PKD1L1: variants seen among roughly 807,000 people sequenced by gnomAD.
PKD1L1 encodes polycystin-1-like protein 1.
Under a neutral mutation model 323.4 loss-of-function variants are expected in PKD1L1, and 236 were observed. The observed-to-expected ratio is 0.73, with a 90% CI of 0.66 to 0.81. The LOEUF is 0.81. PKD1L1 is among the 40% of genes least tolerant of loss of function. PKD1L1 has a pLI of 0.00. For synonymous variants in PKD1L1, 1,344 were observed against 1,335.0 expected (o/e 1.01, Z -0.15); for missense variants, 3,320 against 3,508.0 (o/e 0.95, Z 1.35).
At chr7:47,937,248 C>T (rs1446559735) in intron 3 of PKD1L1, among the ~76,000 whole-genome samples, 34 of 2,204 alleles carry the variant, frequency 0.015, no homozygotes, top group Admixed American at 0.084. Flanking sequence ...GGGGTCGGGA[C>T]GGGGTGGGGG....
chr7:47,846,324 G>C (rs561552325), intron 32 of PKD1L1, among the ~76,000 whole-genome samples: 4 of 152,324 alleles, frequency 2.6e-5, no homozygotes, highest in African/African-American at 9.6e-5. Flanking sequence ...CTAATTTAGT[G>C]ACATGACTCA....
At chr7:47,818,022 G>T in intron 46 of PKD1L1, 1 of 1,362,534 alleles carries the variant, frequency 7.3e-7, no homozygotes, top group Non-Finnish European at 9.8e-7. Context: ...CTTAATCTTT[G>T]CAGGTCTTTT....
intron 27 of PKD1L1, 100 bp downstream of exon 27, chr7:47,858,573 C>T: frequency 9.0e-7 from 1 of 1,114,846 alleles, no homozygotes; most frequent in East Asian, 2.4e-5. Context: ...ACTTCAGAAA[C>T]TGATTCTGTT....
chr7:47,812,115 C>T (rs1784912647), intron 49 of PKD1L1, 64 bp from the exon 50 acceptor site: 1 of 1,357,370 alleles, frequency 7.4e-7, no homozygotes, highest in Non-Finnish European at 1.0e-6. Flanking sequence ...TCTACTGAGG[C>T]TCCCAGCTGC....
At chr7:47,793,138 T>A (rs1786993011) in intron 55 of PKD1L1, among the ~76,000 whole-genome samples, 2 of 151,970 alleles carry the variant, frequency 1.3e-5, no homozygotes, top group African/African-American at 4.8e-5. Context: ...GATTAATAAA[T>A]CTTTATTGAG....
chr7:47,875,772 C>A (rs1786390642), intron 23 of PKD1L1, among the ~76,000 whole-genome samples: 1 of 152,148 alleles, frequency 6.6e-6, no homozygotes, highest in Non-Finnish European at 1.5e-5. Flanking sequence ...ATGCAAGATT[C>A]ACCAGATATG....
chr7:47,778,158 G>A (rs368903152), intron 56 of PKD1L1, among the ~76,000 whole-genome samples: 1 of 152,212 alleles, frequency 6.6e-6, no homozygotes, highest in Admixed American at 6.5e-5. Flanking sequence ...ACCAGCAGAT[G>A]AGGTGACTCA....
chr7:47,945,409 G>A (rs953532140), intron 1 of PKD1L1, among the ~76,000 whole-genome samples: 1 of 152,146 alleles, frequency 6.6e-6, no homozygotes, highest in Non-Finnish European at 1.5e-5. Flanking sequence ...GAGGGCAGAC[G>A]AGGACAATAT....
rs145499325 is a variant in PKD1L1, at chr7:47,845,074, G to A, written c.5158C>T (p.His1720Tyr). The change falls in exon 33 of 57, where the codon CAT becomes TAT. Residue 1720 changes from histidine to tyrosine, a missense_variant. Transcript: ENST00000289672. ...AGGAGAGCGAATGCCGCGAGGCGAT[G>A]GTAGCTAGGAGGGAAATGCGGATGA... The part of the protein sequence containing the change: ...TSPEKVNCSY[H>Y]RLAAFALLRR... 2.2e-5 allele frequency: 35 copies of A among 1,613,308 alleles called. No homozygotes were observed. In the African/African-American group the frequency reaches 4.4e-4, roughly 20 times the overall value.
intron 50 of PKD1L1, among the ~76,000 whole-genome samples, chr7:47,811,176 C>T (rs1391654752): frequency 7.3e-5 from 10 of 136,806 alleles, no homozygotes; most frequent in African/African-American, 2.2e-4. Flanking sequence ...TTTTTTTAGA[C>T]GGAGTCTTGC....
At chr7:47,912,664 A>G (rs141048089) in intron 8 of PKD1L1, among the ~76,000 whole-genome samples, 253 of 151,792 alleles carry the variant, frequency 1.7e-3, no homozygotes, top group African/African-American at 6.0e-3. Flanking sequence ...AAAAATACAA[A>G]AATCAGCCAG....
intron 19 of PKD1L1, among the ~76,000 whole-genome samples, chr7:47,884,370 T>A (rs1173754202): frequency 6.6e-6 from 1 of 152,108 alleles, no homozygotes; most frequent in Non-Finnish European, 1.5e-5. Flanking sequence ...TCCTTGGGCC[T>A]GGGGCTACTG....
chr7:47,861,667 G>C (rs930177457), intron 26 of PKD1L1, among the ~76,000 whole-genome samples: 3 of 152,026 alleles, frequency 2.0e-5, no homozygotes. Context: ...CGGATCACAA[G>C]GTCAGGAGAT....
At chr7:47,880,269 TATATATA>T (rs1562970464) in intron 21 of PKD1L1, among the ~76,000 whole-genome samples, 23 of 76,712 alleles carry the variant, frequency 3.0e-4, no homozygotes, top group African/African-American at 6.5e-4. Context: ...TATATACATA[TATATATA>T]TATATATATT....
In PKD1L1 at chr7:47,833,271, GC is replaced by G. The variant is rs746745044; in HGVS notation, c.6175-20del. Reference sequence around the variant, plus strand: ...CAGGTTGCTAGAATGACAAGGTCATGCCAAGGTTAATATCTCCACAGACAGG... The same window carrying G: ...CAGGTTGCTAGAATGACAAGGTCATGCAAGGTTAATATCTCCACAGACAGG... On this transcript the variant is annotated intron_variant, in intron 40 of 56. Transcript: ENST00000289672. 156 of 1,608,646 alleles carry G rather than the reference GC, an allele frequency of 9.7e-5. No homozygotes were observed. The highest frequency in any genetic ancestry group is 1.3e-4 in the Non-Finnish European group (152 of 1,177,082).
At position 47,817,618 on chromosome 7, in the gene PKD1L1, T is replaced by C. The variant is rs776573809; in HGVS notation, c.6966-2161A>G. ...GCACGGTGGCTCAGGCCTATAATCC[T>C]AGCACTTTGGAAGGCCGAGGTGAGT... On this transcript the variant is annotated intron_variant, in intron 46 of 56. Transcript: ENST00000289672. 2.6e-5 allele frequency among the ~76,000 whole-genome samples: 4 copies of C among 152,184 alleles called. No homozygotes were observed. The South Asian group carries it at 6.2e-4, about 24-fold the overall frequency.
At chr7:47,900,592 G>T (rs2128750345) in intron 13 of PKD1L1, among the ~76,000 whole-genome samples, 1 of 152,270 alleles carries the variant, frequency 6.6e-6, no homozygotes, top group East Asian at 1.9e-4. Flanking sequence ...GCTGGGTGTG[G>T]TGGTGAGCGC....
At chr7:47,874,145 A>G (rs1786350314) in intron 23 of PKD1L1, 135 bp from the exon 24 acceptor site, 1 of 594,792 alleles carries the variant, frequency 1.7e-6, no homozygotes. Flanking sequence ...TCCGAGCCAC[A>G]GGGAGCCCAG....
intron 31 of PKD1L1, among the ~76,000 whole-genome samples, chr7:47,852,685 C>G (rs1422925554): frequency 1.3e-5 from 2 of 152,148 alleles, no homozygotes; most frequent in Non-Finnish European, 1.5e-5. Context: ...ACTCTGCCCC[C>G]ACACTGCTTC....
Sources: allele counts gnomAD v4.1 joint callset (sites outside exome capture counted in the v4.1 genomes callset), GRCh38; gene constraint gnomAD v4.1.1; transcripts MANE v1.5; gene names NCBI Gene and HGNC (gene_info 2026-07-23, HGNC 2026-07-21).